TNNI3K: variants seen among roughly 807,000 people sequenced by gnomAD.
TNNI3K encodes the protein serine/threonine-protein kinase TNNI3K.
Under a neutral mutation model 114.5 loss-of-function variants are expected in TNNI3K, and 140 were observed. The ratio of observed to expected loss-of-function variants is 1.22; its 90% CI spans 1.07 to 1.41. TNNI3K has a LOEUF of 1.41. TNNI3K is among the 40% of genes most tolerant of loss of function. The pLI is 0.00. For missense variants in TNNI3K, 1,125 were observed against 1,007.6 expected (o/e 1.12, Z -1.58); for synonymous variants, 347 against 347.5 (o/e 1.00, Z 0.02).
intron 20 of TNNI3K, among the ~76,000 whole-genome samples, chr1:74,442,030 T>A (rs1666394793): frequency 6.7e-6 from 1 of 150,008 alleles, no homozygotes; most frequent in African/African-American, 2.5e-5. Context: ...TTTGCCTTAC[T>A]CAAAGCCATA....
At chr1:74,536,720 A>G (rs1407367620) in intron 23 of TNNI3K, among the ~76,000 whole-genome samples, 1 of 152,200 alleles carries the variant, frequency 6.6e-6, no homozygotes, top group Non-Finnish European at 1.5e-5. Flanking sequence ...TCTATGATAT[A>G]TATCATCATC....
At chr1:74,278,228 A>T (rs751501587) in intron 5 of TNNI3K, among the ~76,000 whole-genome samples, 20 of 152,196 alleles carry the variant, frequency 1.3e-4, no homozygotes, top group Non-Finnish European at 2.4e-4. Flanking sequence ...AATAGGCAAT[A>T]GTCCCTTGTG....
intron 20 of TNNI3K, among the ~76,000 whole-genome samples, chr1:74,456,920 A>G (rs1250157266): frequency 1.3e-5 from 2 of 152,206 alleles, no homozygotes; most frequent in East Asian, 3.8e-4. Flanking sequence ...ATTAAAGTAC[A>G]TTTAAAGACA....
At position 74,421,737 on chromosome 1, in the gene TNNI3K, A is replaced by G. The variant is rs142077701; in HGVS notation, c.1773-14343A>G. On this transcript the variant is annotated intron_variant, in intron 17 of 24. Coordinates refer to ENST00000326637, the MANE Select transcript of TNNI3K (RefSeq NM_015978.3). Reference sequence around the variant, plus strand: ...AATATCTGGCAGGGGTAAAGACATAAGCCATTCTGTGTCATTGAGGAAGGG... The same window carrying G: ...AATATCTGGCAGGGGTAAAGACATAGGCCATTCTGTGTCATTGAGGAAGGG... Among the ~76,000 whole-genome samples the G allele has an allele frequency of 5.8e-3, 880 of 152,096 alleles. 6 individuals carry two copies. The highest frequency in any genetic ancestry group is 0.02 in the African/African-American group (829 of 41,524).
At chr1:74,391,957 ATTTTTTTTTTTTTTTTT>A (rs34656417) in intron 17 of TNNI3K, among the ~76,000 whole-genome samples, 1 of 92,990 alleles carries the variant, frequency 1.1e-5, no homozygotes, top group Non-Finnish European at 2.2e-5. Context: ...ACAGCTTATT[ATTTTTTTTTTTTTTTTT>A]TTTTTTTTTG....
At chr1:74,368,298 T>C (rs1361165971) in intron 13 of TNNI3K, among the ~76,000 whole-genome samples, 6 of 151,678 alleles carry the variant, frequency 4.0e-5, no homozygotes, top group Non-Finnish European at 5.9e-5. Flanking sequence ...TGTGAAAAAA[T>C]ATATATTATT....
chr1:74,479,341 G>T (rs1668361973), intron 21 of TNNI3K, among the ~76,000 whole-genome samples: 2 of 152,160 alleles, frequency 1.3e-5, no homozygotes, highest in African/African-American at 4.8e-5. Flanking sequence ...TGTAATGATA[G>T]CTGATGCATA....
At chr1:74,376,826 A>C (rs1662929145) in intron 17 of TNNI3K, 2 of 151,874 alleles carry the variant, frequency 1.3e-5, no homozygotes, top group South Asian at 4.1e-4. Flanking sequence ...TCATTAAAAA[A>C]AAAAATAAAA....
chr1:74,247,960 C>T (rs955274930), intron 2 of TNNI3K, among the ~76,000 whole-genome samples: 5 of 151,158 alleles, frequency 3.3e-5, no homozygotes, highest in African/African-American at 9.7e-5. Context: ...GGGTGGTGCC[C>T]GTCGGGGTGG....
intron 21 of TNNI3K, among the ~76,000 whole-genome samples, chr1:74,486,353 C>T (rs773531079): frequency 9.2e-5 from 14 of 151,910 alleles, no homozygotes; most frequent in Non-Finnish European, 1.3e-4. Flanking sequence ...CAGAGTTTCT[C>T]GTTGTTTTCT....
At chr1:74,532,248 G>A (rs1646596965) in intron 23 of TNNI3K, among the ~76,000 whole-genome samples, 1 of 152,128 alleles carries the variant, frequency 6.6e-6, no homozygotes, top group South Asian at 2.1e-4. Context: ...GTTGGATAAA[G>A]GAAAGTATCA....
chr1:74,253,288 G>T (rs919341908), intron 4 of TNNI3K, among the ~76,000 whole-genome samples: 2 of 152,172 alleles, frequency 1.3e-5, no homozygotes, highest in African/African-American at 4.8e-5. Context: ...AGTGGATCCC[G>T]CACAGGGGCC....
intron 5 of TNNI3K, among the ~76,000 whole-genome samples, chr1:74,308,966 C>G (rs1225053728): frequency 6.6e-6 from 1 of 152,034 alleles, no homozygotes; most frequent in Non-Finnish European, 1.5e-5. Flanking sequence ...AAATTGAAAC[C>G]TCAAACCAAA....
At chr1:74,421,847 C>T (rs1157474163) in intron 17 of TNNI3K, among the ~76,000 whole-genome samples, 1 of 151,890 alleles carries the variant, frequency 6.6e-6, no homozygotes, top group African/African-American at 2.4e-5. Context: ...TCACCAAACT[C>T]CCAGGTTTTC....
At chr1:74,452,075 C>T (rs1472981034) in intron 20 of TNNI3K, among the ~76,000 whole-genome samples, 1 of 152,040 alleles carries the variant, frequency 6.6e-6, no homozygotes, top group Non-Finnish European at 1.5e-5. Flanking sequence ...AGCATTAAAT[C>T]TCAAAATTCT....
At chr1:74,435,647 A>G (rs1666087817) in intron 17 of TNNI3K, among the ~76,000 whole-genome samples, 1 of 151,932 alleles carries the variant, frequency 6.6e-6, no homozygotes, top group Non-Finnish European at 1.5e-5. Flanking sequence ...CTTTTGCTAC[A>G]TTCATTTCAG....
chr1:74,474,461 C>A (rs1668091864), intron 21 of TNNI3K, among the ~76,000 whole-genome samples: 1 of 152,080 alleles, frequency 6.6e-6, no homozygotes, highest in Non-Finnish European at 1.5e-5. Flanking sequence ...CCAGTCGCCC[C>A]AAAATGCATC....
chr1:74,525,922 C>G (rs1314697873), intron 23 of TNNI3K, among the ~76,000 whole-genome samples: 20 of 152,104 alleles, frequency 1.3e-4, no homozygotes, highest in Admixed American at 1.3e-3. Context: ...GCAAGGCACC[C>G]CAGCTACATA....
chr1:74,362,230 G>A (rs1339461615), intron 11 of TNNI3K, among the ~76,000 whole-genome samples: 1 of 152,098 alleles, frequency 6.6e-6, no homozygotes, highest in African/African-American at 2.4e-5. Flanking sequence ...ATAATGGGAA[G>A]GGGATATATT....
Sources: allele counts gnomAD v4.1 joint callset (sites outside exome capture counted in the v4.1 genomes callset), GRCh38; gene constraint gnomAD v4.1.1; transcripts MANE v1.5; gene names NCBI Gene and HGNC (gene_info 2026-07-23, HGNC 2026-07-21).